The following SPTLC2 variants were observed in gnomAD, a reference collection of about 807,000 sequenced individuals.
The protein encoded by SPTLC2 is serine palmitoyltransferase 2.
Under a neutral mutation model 62.0 loss-of-function variants are expected in SPTLC2, and 21 were observed. The ratio of observed to expected loss-of-function variants is 0.34; its 90% confidence interval spans 0.24 to 0.49. The LOEUF is 0.49. SPTLC2 is among the 20% of genes least tolerant of loss of function. The pLI is 0.99. For missense variants in SPTLC2, 511 were observed against 713.0 expected (o/e 0.72, Z 3.23); for synonymous variants, 261 against 261.8 (o/e 1.00, Z 0.03).
Position 77,521,443 on chromosome 14 carries a change from T to C in SPTLC2, c.1439+3A>G, listed in dbSNP as rs1057519170. The stretch of plus-strand genomic sequence containing the variant: ...CTGGTCTGTGATCTGCAACAAAACG[T>C]ACCCAATTTTGGCAGGCATGTAGAG... On this transcript the variant is annotated splice_donor_region_variant and intron_variant, in intron 10 of 11. Transcript: ENST00000216484. The C allele has an allele frequency of 1.9e-6, 3 of 1,614,146 alleles. No individual in the cohort carries two copies. The highest frequency in any genetic ancestry group is 2.5e-6 in the Non-Finnish European group (3 of 1,180,018).
At chr14:77,613,436 A>G (rs2079948515) in intron 1 of SPTLC2, among the ~76,000 whole-genome samples, 1 of 152,226 alleles carries the variant, frequency 6.6e-6, no homozygotes, top group South Asian at 2.1e-4. Flanking sequence ...CTATTGTTCA[A>G]CTGTTACTAT....
At chr14:77,576,264 CTTTTA>C (rs750700217) in intron 4 of SPTLC2, among the ~76,000 whole-genome samples, 55 of 152,128 alleles carry the variant, frequency 3.6e-4, no homozygotes, top group Non-Finnish European at 6.0e-4. Flanking sequence ...AGTTATTACT[CTTTTA>C]TATTTTACAA....
At chr14:77,554,560 G>A (rs999752024) in intron 8 of SPTLC2, among the ~76,000 whole-genome samples, 5 of 152,138 alleles carry the variant, frequency 3.3e-5, no homozygotes, top group African/African-American at 9.7e-5. Context: ...GTGCACCCAC[G>A]TTGTAGCATG....
At chr14:77,564,233 G>GA (rs2079630173) in intron 5 of SPTLC2, among the ~76,000 whole-genome samples, 1 of 79,028 alleles carries the variant, frequency 1.3e-5, no homozygotes, top group Non-Finnish European at 2.8e-5. Flanking sequence ...CTCTGTCTGG[G>GA]GGGAAAAAAA....
At chr14:77,548,503 C>T (rs10142919) in intron 9 of SPTLC2, among the ~76,000 whole-genome samples, 146,312 of 152,328 alleles carry the variant, frequency 0.96, 70,562 homozygotes, top group East Asian at 1. Context: ...TTAGTGGACA[C>T]GGATTAGTGA....
At position 77,557,046 on chromosome 14, in the gene SPTLC2, T is replaced by C; in HGVS notation, c.951A>G (p.Ile317Met). 6.2e-7 allele frequency: 1 copy of C among 1,613,522 alleles called. No homozygotes were observed. Among genetic ancestry groups the C allele is most frequent in the Non-Finnish European group, 8.5e-7 (1 of 1,179,588 alleles). ...GAATAATAAAGCAGGATTACCTATA[T>C]ATTCCTTCCACAAGGATGAGAATTT... is the stretch of plus-strand genomic sequence containing the variant. ...WKKILILVEG[I>M]YSMEGSIVRL... The change falls in exon 7 of 12, where the codon ATA (isoleucine) becomes ATG (methionine). Residue 317 changes from isoleucine to methionine, a missense_variant. Physicochemically the swap from Ile to Met is conservative, Grantham distance 10. Coordinates refer to ENST00000216484, the MANE Select transcript of SPTLC2 (RefSeq NM_004863.4).
chr14:77,557,332 T>C (rs1490907678), intron 6 of SPTLC2, 186 bp from the exon 7 acceptor site: 3 of 604,080 alleles, frequency 5.0e-6, no homozygotes, highest in Non-Finnish European at 2.9e-6. Context: ...AAATCCAAAA[T>C]GTAACAAATG....
intron 6 of SPTLC2, among the ~76,000 whole-genome samples, chr14:77,558,877 C>T (rs2079599665): frequency 6.6e-6 from 1 of 151,904 alleles, no homozygotes; most frequent in Non-Finnish European, 1.5e-5. Flanking sequence ...CCTCCTTGGC[C>T]TCCCCAAGTC....
In SPTLC2 at chr14:77,604,680, C is replaced by T. The variant is rs141540816; in HGVS notation, c.133-7300G>A. Among the ~76,000 whole-genome samples the T allele has an allele frequency of 9.6e-3, 1,452 of 151,926 alleles. 20 individuals are homozygous for T. Among genetic ancestry groups the T allele is most frequent in the African/African-American group, 0.033 (1,384 of 41,416 alleles). On this transcript the variant is annotated intron_variant, in intron 1 of 11. Transcript: ENST00000216484. ...GTCAGGAGTTTGAGACCAGCCTGAC[C>T]AACATGGAGAAACCCCATTTCTACT...
intron 1 of SPTLC2, among the ~76,000 whole-genome samples, chr14:77,601,523 T>C (rs1271997995): frequency 6.6e-6 from 1 of 151,518 alleles, no homozygotes; most frequent in South Asian, 2.1e-4. Flanking sequence ...AACAGCCTTG[T>C]TGCTCACACA....
chr14:77,595,243 T>G (rs1389112904), intron 2 of SPTLC2, among the ~76,000 whole-genome samples: 3 of 152,146 alleles, frequency 2.0e-5, no homozygotes, highest in Non-Finnish European at 4.4e-5. Flanking sequence ...CACATGCCTG[T>G]ACTCCCTGCT....
Position 77,530,407 on chromosome 14 carries a change from C to T in SPTLC2, c.1304-8826G>A, listed in dbSNP as rs137919852. On this transcript the variant is annotated intron_variant, in intron 9 of 11. Coordinates refer to ENST00000216484, the MANE Select transcript of SPTLC2 (RefSeq NM_004863.4). ...GCAGCGGCACGATCTCAGCTCACTA[C>T]AACCTCCACCTCCTAGGTTCAAGCG... Among the ~76,000 whole-genome samples the T allele has an allele frequency of 6.6e-3, 1,008 of 152,256 alleles. 10 individuals carry two copies. The highest frequency in any genetic ancestry group is 0.022 in the African/African-American group (927 of 41,536).
chr14:77,552,759 T>C (rs1295852290), intron 8 of SPTLC2, among the ~76,000 whole-genome samples: 3 of 148,788 alleles, frequency 2.0e-5, no homozygotes, highest in Non-Finnish European at 3.0e-5. Context: ...TGAGCTGAGA[T>C]TGCGCCATTG....
At chr14:77,616,240 G>A (rs2140071343) in intron 1 of SPTLC2, among the ~76,000 whole-genome samples, 1 of 152,286 alleles carries the variant, frequency 6.6e-6, no homozygotes, top group South Asian at 2.1e-4. Flanking sequence ...AAGACCTCCA[G>A]GCGCGGAGAG....
At chr14:77,611,452 T>C (rs2079936706) in intron 1 of SPTLC2, among the ~76,000 whole-genome samples, 1 of 85,884 alleles carries the variant, frequency 1.2e-5, no homozygotes, top group Non-Finnish European at 2.3e-5. Flanking sequence ...CGAGACCCTA[T>C]CTCGCCAAAA....
chr14:77,566,336 T>C (rs2079644827), intron 5 of SPTLC2, among the ~76,000 whole-genome samples: 1 of 152,218 alleles, frequency 6.6e-6, no homozygotes, highest in Non-Finnish European at 1.5e-5. Flanking sequence ...TCAGGTATCA[T>C]GTTAAAAGAT....
At chr14:77,551,262 C>T (rs1240725301) in intron 9 of SPTLC2, among the ~76,000 whole-genome samples, 1 of 151,808 alleles carries the variant, frequency 6.6e-6, no homozygotes, top group African/African-American at 2.4e-5. Flanking sequence ...GGCGTGGTGG[C>T]GGGCGCCTGT....
chr14:77,553,177 C>T (rs2079564402), intron 8 of SPTLC2, among the ~76,000 whole-genome samples: 1 of 152,012 alleles, frequency 6.6e-6, no homozygotes, highest in Non-Finnish European at 1.5e-5. Flanking sequence ...TTTAATTTCA[C>T]CAAATCTTTA....
intron 1 of SPTLC2, among the ~76,000 whole-genome samples, chr14:77,609,210 T>C (rs1337335144): frequency 1.3e-5 from 2 of 152,126 alleles, no homozygotes; most frequent in Admixed American, 6.6e-5. Flanking sequence ...AAATGCTATA[T>C]TTCCTTTCCT....
Sources: allele counts gnomAD v4.1 joint callset (sites outside exome capture counted in the v4.1 genomes callset), GRCh38; gene constraint gnomAD v4.1.1; transcripts MANE v1.5; gene names NCBI Gene and HGNC (gene_info 2026-07-23, HGNC 2026-07-21).